Variants in KCNC2 observed in about 807,000 individuals in gnomAD.
KCNC2 encodes the protein potassium voltage-gated channel subfamily C member 2, also known as voltage-gated potassium channel KCNC2.
KCNC2 carries 21 observed loss-of-function variants against 44.5 expected under a neutral mutation model. That is an observed-to-expected ratio of 0.47 (90% CI 0.33 to 0.68). The LOEUF (loss-of-function observed/expected upper bound fraction) is 0.68. KCNC2 is among the 30% of genes least tolerant of loss of function. The pLI, the probability that KCNC2 is intolerant of heterozygous loss-of-function variation, is 0.01. For missense variants in KCNC2, 589 were observed against 826.2 expected, an observed-to-expected ratio of 0.71 and a Z score of 3.52; for synonymous variants, 391 against 339.1, an observed-to-expected ratio of 1.15 and a Z score of -1.68.
chr12:75,042,486 G>A lies in KCNC2; in HGVS notation c.*619C>T. Reference sequence around the variant, plus strand: ...AACATATATTTCTTTCAAATAATAAGAAAAAAATGTCAAGGAGAAAAGTGC... The same window carrying A: ...AACATATATTTCTTTCAAATAATAAAAAAAAAATGTCAAGGAGAAAAGTGC... On this transcript the variant is annotated 3_prime_UTR_variant, in exon 5 of 5. Transcript: ENST00000549446. The A allele has an allele frequency of 1.4e-6, 2 of 1,446,298 alleles. No homozygotes were observed. Among genetic ancestry groups the A allele is most frequent in the Admixed American group, 2.6e-5 (1 of 38,016 alleles). The allele number at this position is 1,446,298 out of a possible 1,614,324, so 89.6% of individuals were successfully genotyped here. A position where few individuals can be genotyped will look rare whatever the true frequency, so the allele number is the denominator to read the frequency against.
intron 2 of KCNC2, among the ~76,000 whole-genome samples, chr12:75,117,217 C>T (rs941294834): frequency 6.6e-6 from 1 of 152,164 alleles, no homozygotes; most frequent in Non-Finnish European, 1.5e-5. Context: ...CTTTCCGACG[C>T]TTTGAGAAGT....
intron 2 of KCNC2, among the ~76,000 whole-genome samples, chr12:75,135,794 TAC>T (rs1440233371): frequency 6.6e-6 from 1 of 152,016 alleles, no homozygotes; most frequent in East Asian, 1.9e-4. Flanking sequence ...TTTATAATAA[TAC>T]AGTTTCATTA....
chr12:75,085,242 C>G lies in KCNC2; in HGVS notation c.688-33925G>C, dbSNP rs907020415. ...TGGATTTCATATTATTACCAGTAAC[C>G]TCTTCATCTTGATTATCTTATGTTA... On this transcript the variant is annotated intron_variant, in intron 2 of 4. Transcript: ENST00000549446. Among the ~76,000 whole-genome samples, 8 of 152,084 alleles carry G rather than the reference C, an allele frequency of 5.3e-5. No individual in the cohort carries two copies. The East Asian group carries it at 1.5e-3, about 29-fold the overall frequency.
chr12:75,183,349 G>C (rs1892728805), intron 2 of KCNC2, among the ~76,000 whole-genome samples: 1 of 152,060 alleles, frequency 6.6e-6, no homozygotes, highest in Non-Finnish European at 1.5e-5. Flanking sequence ...TCTACAACCA[G>C]GATCCTTTCT....
At chr12:75,190,736 G>C (rs1397362200) in intron 2 of KCNC2, among the ~76,000 whole-genome samples, 1 of 152,002 alleles carries the variant, frequency 6.6e-6, no homozygotes, top group African/African-American at 2.4e-5. Flanking sequence ...ATATTACAAA[G>C]AGATGTTTCC....
Position 75,050,980 on chromosome 12 carries a change from T to A in KCNC2, c.1025A>T (p.Asp342Val). The change falls in exon 3 of 5, where the codon GAT (aspartate) becomes GTT (valine). Residue 342 changes from aspartate to valine, a missense_variant. Around this residue, in one of 7 missense-constraint regions of KCNC2, gnomAD observed 67 missense variants for 237.4 expected, o/e 0.28. Coordinates refer to ENST00000549446, the MANE Select transcript of KCNC2 (RefSeq NM_139137.4). ...TACCACCCTGAGGAAGCCAAGCACA[T>A]CTTTAGCAGCTTTGGATGACAGCCC... ...LSGLSSKAAK[D>V]VLGFLRVVRF... is the part of the protein sequence containing the mutation. The A allele has an allele frequency of 6.2e-7, 1 of 1,613,802 alleles. No homozygotes were observed. The highest frequency in any genetic ancestry group is 8.5e-7 in the Non-Finnish European group (1 of 1,179,876).
chr12:75,062,370 A>G (rs557728367), intron 2 of KCNC2, among the ~76,000 whole-genome samples: 3 of 152,296 alleles, frequency 2.0e-5, no homozygotes, highest in African/African-American at 7.2e-5. Context: ...ATACTGCAAG[A>G]GCAATAAAGC....
chr12:75,043,356 T>C, intron 4 of KCNC2, 115 bp from the exon 5 acceptor site: 1 of 1,444,368 alleles, frequency 6.9e-7, no homozygotes, highest in South Asian at 1.5e-5. Context: ...AGAATTTGTT[T>C]ACAAAGAATT....
intron 2 of KCNC2, among the ~76,000 whole-genome samples, chr12:75,060,873 A>G (rs1016566659): frequency 6.6e-6 from 1 of 152,092 alleles, no homozygotes; most frequent in African/African-American, 2.4e-5. Flanking sequence ...CAGGCTATTT[A>G]ATGACTTTGC....
intron 2 of KCNC2, among the ~76,000 whole-genome samples, chr12:75,162,147 C>A (rs1891161906): frequency 6.6e-6 from 1 of 151,828 alleles, no homozygotes; most frequent in Non-Finnish European, 1.5e-5. Context: ...CTTTAGTGAG[C>A]ATTTCTGTAT....
chr12:75,201,984 A>T (rs2249388), intron 2 of KCNC2, among the ~76,000 whole-genome samples: 70 of 151,664 alleles, frequency 4.6e-4, no homozygotes, highest in Non-Finnish European at 8.0e-4. Flanking sequence ...TCAGAAGTTC[A>T]AAGAATACAA....
intron 2 of KCNC2, among the ~76,000 whole-genome samples, chr12:75,117,734 A>G (rs1887773026): frequency 6.6e-6 from 1 of 152,098 alleles, no homozygotes; most frequent in Non-Finnish European, 1.5e-5. Context: ...ATAATAGCAT[A>G]TACACACTCT....
intron 2 of KCNC2, among the ~76,000 whole-genome samples, chr12:75,181,958 G>C (rs34120570): frequency 0.01 from 332 of 32,158 alleles, 2 homozygotes; most frequent in African/African-American, 0.023. Flanking sequence ...TTTTTTTGTA[G>C]AGACAAGGCT....
intron 2 of KCNC2, among the ~76,000 whole-genome samples, chr12:75,141,548 T>C (rs2137406518): frequency 6.6e-6 from 1 of 152,312 alleles, no homozygotes; most frequent in East Asian, 1.9e-4. Flanking sequence ...GACTGCTGGC[T>C]CTTCTTCACC....
chr12:75,201,542 T>G (rs61932908), intron 2 of KCNC2, among the ~76,000 whole-genome samples: 12,820 of 151,888 alleles, frequency 0.084, 596 homozygotes, highest in Admixed American at 0.14. Context: ...ATTCTCCAAG[T>G]TCACACAACT....
intron 2 of KCNC2, among the ~76,000 whole-genome samples, chr12:75,201,759 G>T (rs1323846338): frequency 2.0e-5 from 3 of 151,804 alleles, no homozygotes; most frequent in Non-Finnish European, 4.4e-5. Flanking sequence ...GTGCTTTTCT[G>T]TCTTAAAAGA....
intron 2 of KCNC2, among the ~76,000 whole-genome samples, chr12:75,177,057 T>TATATATATACAC (rs1491339880): frequency 2.9e-4 from 37 of 127,294 alleles, no homozygotes; most frequent in African/African-American, 1.1e-3. Context: ...TATATATATA[T>TATATATATACAC]ACACACACAC....
At chr12:75,184,147 A>G (rs141386704) in intron 2 of KCNC2, among the ~76,000 whole-genome samples, 236 of 152,246 alleles carry the variant, frequency 1.6e-3, no homozygotes, top group African/African-American at 5.5e-3. Context: ...TAACACTTAT[A>G]TTTGATAGTA....
intron 2 of KCNC2, among the ~76,000 whole-genome samples, chr12:75,173,631 C>T (rs1262525194): frequency 6.6e-6 from 1 of 151,848 alleles, no homozygotes; most frequent in East Asian, 1.9e-4. Context: ...TGTATAATTA[C>T]ATGTCCTTTT....
Sources: gnomAD v4.1 joint callset for allele counts (sites outside exome capture counted in the v4.1 genomes callset) on GRCh38, gnomAD v4.1.1 for gene constraint, gnomAD v4.1.1 regional missense constraint, MANE v1.5 for transcripts, NCBI Gene and HGNC (gene_info 2026-07-23, HGNC 2026-07-21) for gene names.